Variants in OSBPL3 observed in about 807,000 individuals in gnomAD.
OSBPL3 encodes the protein oxysterol binding protein like 3, also known as oxysterol-binding protein-related protein 3.
A neutral mutation model predicts 120.1 loss-of-function variants in OSBPL3; 65 were observed. The observed-to-expected ratio is 0.54, with a 90% CI of 0.44 to 0.67. The LOEUF (loss-of-function observed/expected upper bound fraction) is 0.67, where lower values mean the gene tolerates loss of function less well. Ranked by LOEUF, OSBPL3 falls within the 30% of genes least tolerant of loss-of-function variation. The probability of loss-of-function intolerance (pLI) is 0.00; values close to 1 mark genes in which losing one functional copy is unlikely to be tolerated. For missense variants in OSBPL3, 1,004 were observed against 1,082.1 expected (o/e 0.93, Z 1.01); for synonymous variants, 416 against 402.6 (o/e 1.03, Z -0.40).
At chr7:24,864,008 C>T (rs1032792441) in intron 7 of OSBPL3, among the ~76,000 whole-genome samples, 1 of 152,232 alleles carries the variant, frequency 6.6e-6, no homozygotes, top group African/African-American at 2.4e-5. Flanking sequence ...TCATCATCAT[C>T]ATCACCAACT....
At position 24,883,267 on chromosome 7, in the gene OSBPL3, G is replaced by A. The variant is rs1374485677; in HGVS notation, c.96+9110C>T. Among the ~76,000 whole-genome samples the A allele has an allele frequency of 1.3e-5, 2 of 152,098 alleles. No individual in the cohort carries two copies. Among genetic ancestry groups the A allele is most frequent in the African/African-American group, 4.8e-5 (2 of 41,412 alleles). On this transcript the variant is annotated intron_variant, in intron 2 of 22. Transcript: ENST00000313367. The surrounding 1 kb of genome is among the most constrained non-coding windows in gnomAD (Gnocchi z 5.4). Reference sequence around the variant, plus strand: ...AACTTGACGGTAGGGCCAGGGTGTAGGTTTTAGAGGGATATCAGATGACAC... The same window carrying A: ...AACTTGACGGTAGGGCCAGGGTGTAAGTTTTAGAGGGATATCAGATGACAC...
chr7:24,830,626 C>A lies in OSBPL3; in HGVS notation c.1884+142G>T. On this transcript the variant is annotated intron_variant, in intron 16 of 22. Coordinates refer to ENST00000313367, the MANE Select transcript of OSBPL3 (RefSeq NM_015550.4). This position sits in a 1 kb window ranked among gnomAD's most constrained non-coding sequence, Gnocchi z 4.4. Reference sequence around the variant, plus strand: ...TGGCTTCAGTGGAAGGGAAATCGATCCCTCCCTTTATGTTGAAAAGCACTG... The same window carrying A: ...TGGCTTCAGTGGAAGGGAAATCGATACCTCCCTTTATGTTGAAAAGCACTG... The A allele has an allele frequency of 1.2e-6, 1 of 829,596 alleles. No individual in the cohort carries two copies. Among genetic ancestry groups the A allele is most frequent in the Non-Finnish European group, 1.8e-6 (1 of 542,486 alleles). The allele number at this position is 829,596 out of a possible 1,614,324, so 51.4% of individuals were successfully genotyped here. A position where few individuals can be genotyped will look rare whatever the true frequency, so the allele number is the denominator to read the frequency against.
At chr7:24,907,579 C>T (rs529561667) in intron 1 of OSBPL3, among the ~76,000 whole-genome samples, 2 of 152,224 alleles carry the variant, frequency 1.3e-5, no homozygotes, top group Non-Finnish European at 2.9e-5. Context: ...TCTGCACTCT[C>T]CCTTTCTCCT....
At chr7:24,976,161 G>A (rs905039063) in intron 1 of OSBPL3, among the ~76,000 whole-genome samples, 2 of 152,184 alleles carry the variant, frequency 1.3e-5, no homozygotes, top group Admixed American at 1.3e-4. Context: ...CTGGAGACTG[G>A]AGATATAATA....
In OSBPL3 at chr7:24,933,075, A is replaced by G. The variant is rs958860096; in HGVS notation, c.-149-40454T>C. Among the ~76,000 whole-genome samples, 5 of 152,246 alleles carry G rather than the reference A, an allele frequency of 3.3e-5. No homozygotes were observed. On this transcript the variant is annotated intron_variant, in intron 1 of 22. Transcript: ENST00000313367. The surrounding 1 kb of genome is among the most constrained non-coding windows in gnomAD (Gnocchi z 5.1). Reference sequence around the variant, plus strand: ...AAGGGCTGCTGCCCAAAATAGTTTAATAAGGCCAGCAGTGATTCAGAGAGT... The same window carrying G: ...AAGGGCTGCTGCCCAAAATAGTTTAGTAAGGCCAGCAGTGATTCAGAGAGT...
rs1814598315 is a variant in OSBPL3 at position 24,952,827 on chromosome 7, C to T, written c.-150+27059G>A. On this transcript the variant is annotated intron_variant, in intron 1 of 22. Coordinates refer to ENST00000313367, the MANE Select transcript of OSBPL3 (RefSeq NM_015550.4). This position sits in a 1 kb window ranked among gnomAD's most constrained non-coding sequence, Gnocchi z 4.4. ...TCCCTACCCAATTCCCTATCAACCC[C>T]GCTTCCCCTCCCCAATCTCATTTAA... 1.3e-5 allele frequency among the ~76,000 whole-genome samples: 2 copies of T among 152,164 alleles called. No homozygotes were observed. The highest frequency in any genetic ancestry group is 6.5e-5 in the Admixed American group (1 of 15,290).
chr7:24,974,710 T>G (rs761610561), intron 1 of OSBPL3, among the ~76,000 whole-genome samples: 1 of 152,176 alleles, frequency 6.6e-6, no homozygotes, highest in Non-Finnish European at 1.5e-5. Context: ...AAATTAACCT[T>G]GAAAACAACA....
At position 24,834,271 on chromosome 7, in the gene OSBPL3, C is replaced by T. The variant is rs1796721783; in HGVS notation, c.1746+215G>A. 3.7e-6 allele frequency: 5 copies of T among 1,368,416 alleles called. No homozygotes were observed. Among genetic ancestry groups the T allele is most frequent in the East Asian group, 2.9e-5 (1 of 34,272 alleles). 84.8% of individuals were successfully genotyped at this position (1,368,416 alleles called of 1,614,324 possible). On this transcript the variant is annotated intron_variant, in intron 15 of 22. Coordinates refer to ENST00000313367, the MANE Select transcript of OSBPL3 (RefSeq NM_015550.4). The surrounding 1 kb of genome is among the most constrained non-coding windows in gnomAD (Gnocchi z 5.2). ...GAACTACCCCAGGCACCAAGTGCCA[C>T]GGAGAAGCACCCCAACCCCGTCTCC...
chr7:24,934,628 A>G (rs916219100), intron 1 of OSBPL3, among the ~76,000 whole-genome samples: 1 of 152,204 alleles, frequency 6.6e-6, no homozygotes, highest in Non-Finnish European at 1.5e-5. Flanking sequence ...GAAACTCAGC[A>G]TAACTACTTA....
At chr7:24,870,500 G>A (rs935366686) in intron 5 of OSBPL3, among the ~76,000 whole-genome samples, 8 of 152,168 alleles carry the variant, frequency 5.3e-5, no homozygotes, top group African/African-American at 1.9e-4. Flanking sequence ...AGTCACTGGG[G>A]GCAGGTTCGT....
intron 1 of OSBPL3, among the ~76,000 whole-genome samples, chr7:24,962,420 G>A (rs1222098660): frequency 7.5e-6 from 1 of 132,582 alleles, no homozygotes; most frequent in South Asian, 2.9e-4. Context: ...GGAGGGGAGG[G>A]GAGGGGAGAG....
In OSBPL3 at chr7:24,978,949, C is replaced by T. The variant is rs771497814; in HGVS notation, c.-150+937G>A. Among the ~76,000 whole-genome samples the T allele has an allele frequency of 2.6e-5, 4 of 152,210 alleles. No homozygotes were observed. In the East Asian group the frequency reaches 5.8e-4, roughly 22 times the overall value. On this transcript the variant is annotated intron_variant, in intron 1 of 22. Transcript: ENST00000313367. Reference sequence around the variant, plus strand: ...AGTTGCGTTGCCGAAGGAAGGGCGGCGCGCCCCTGCTTAAGAAGTATCTGG... The same window carrying T: ...AGTTGCGTTGCCGAAGGAAGGGCGGTGCGCCCCTGCTTAAGAAGTATCTGG...
Position 24,889,710 on chromosome 7 carries a change from G to A in OSBPL3, c.96+2667C>T, listed in dbSNP as rs181401070. On this transcript the variant is annotated intron_variant, in intron 2 of 22. Coordinates refer to ENST00000313367, the MANE Select transcript of OSBPL3 (RefSeq NM_015550.4). ...CAAAGGTGTCCATTAGCCTGTTTCT[G>A]AGGGCTAATGAGGAGAAAAATGTCA... 3.0e-3 allele frequency among the ~76,000 whole-genome samples: 453 copies of A among 152,326 alleles called. 10 individuals carry two copies. The highest frequency in any genetic ancestry group is 9.6e-4 in the Non-Finnish European group (65 of 68,032).
chr7:24,859,586 C>T (rs1008733835), intron 10 of OSBPL3, among the ~76,000 whole-genome samples: 1 of 152,074 alleles, frequency 6.6e-6, no homozygotes, highest in African/African-American at 2.4e-5. Context: ...CAGAGAAATA[C>T]CAGGTAAGGA....
At chr7:24,865,115 C>G (rs988723318) in intron 7 of OSBPL3, among the ~76,000 whole-genome samples, 1 of 152,148 alleles carries the variant, frequency 6.6e-6, no homozygotes. Flanking sequence ...GGCATCAATA[C>G]TGAAGGAACA....
At chr7:24,838,813 C>G (rs1360675866) in intron 14 of OSBPL3, among the ~76,000 whole-genome samples, 2 of 152,230 alleles carry the variant, frequency 1.3e-5, no homozygotes, top group Non-Finnish European at 2.9e-5. Flanking sequence ...ATTTCTCTTT[C>G]AACTTGCCTC....
Position 24,862,392 on chromosome 7 carries a change from G to A in OSBPL3, c.871-623C>T, listed in dbSNP as rs1800692182. On this transcript the variant is annotated intron_variant, in intron 9 of 22. Coordinates refer to ENST00000313367, the MANE Select transcript of OSBPL3 (RefSeq NM_015550.4). The surrounding 1 kb of genome is among the most constrained non-coding windows in gnomAD (Gnocchi z 4.4). ...CATTTATACTCAATTCCTTCCTCCTGGCAATAATCATCCATGTATCCAGGC... is the reference window on the plus strand; with the variant it reads ...CATTTATACTCAATTCCTTCCTCCTAGCAATAATCATCCATGTATCCAGGC... Among the ~76,000 whole-genome samples the A allele has an allele frequency of 6.6e-6, 1 of 152,128 alleles. No individual in the cohort carries two copies. Among genetic ancestry groups the A allele is most frequent in the Admixed American group, 6.5e-5 (1 of 15,272 alleles).
At chr7:24,853,159 C>T (rs1228430244) in intron 10 of OSBPL3, among the ~76,000 whole-genome samples, 4 of 151,914 alleles carry the variant, frequency 2.6e-5, no homozygotes, top group African/African-American at 9.7e-5. Flanking sequence ...TTTTTGTATC[C>T]CCAAAGACTG....
chr7:24,948,441 G>A (rs1814002880), intron 1 of OSBPL3, among the ~76,000 whole-genome samples: 1 of 152,074 alleles, frequency 6.6e-6, no homozygotes, highest in South Asian at 2.1e-4. Flanking sequence ...AGCTGGAATG[G>A]GTTTCATGCA....
Sources: gnomAD v4.1 joint callset for allele counts (sites outside exome capture counted in the v4.1 genomes callset) on GRCh38, gnomAD v4.1.1 for gene constraint, Gnocchi (gnomAD v3.1) non-coding constraint, MANE v1.5 for transcripts, NCBI Gene and HGNC (gene_info 2026-07-23, HGNC 2026-07-21) for gene names.